The following SDK1 variants were observed in gnomAD, a reference collection of about 807,000 sequenced individuals.
SDK1 encodes protein sidekick-1.
A neutral mutation model predicts 245.5 loss-of-function variants in SDK1; 157 were observed. The observed-to-expected ratio is 0.64, with a 90% CI of 0.56 to 0.73. The LOEUF is 0.73. Among genes scored for constraint, SDK1 ranks in the 30% least tolerant of loss-of-function variants. The pLI, the probability that SDK1 is intolerant of heterozygous loss-of-function variation, is 0.00. For missense variants in SDK1, 3,583 were observed against 3,002.3 expected, an observed-to-expected ratio of 1.19 and a Z score of -4.52; for synonymous variants, 1,647 against 1,278.5, an observed-to-expected ratio of 1.29 and a Z score of -6.15.
intron 1 of SDK1, among the ~76,000 whole-genome samples, chr7:3,424,740 T>TA (rs1192055102): frequency 6.6e-6 from 1 of 151,800 alleles, no homozygotes; most frequent in Non-Finnish European, 1.5e-5. Context: ...CTACAAAAAA[T>TA]AAAAAAACTA....
intron 1 of SDK1, among the ~76,000 whole-genome samples, chr7:3,451,962 A>G (rs968224295): frequency 1.3e-5 from 2 of 152,228 alleles, no homozygotes; most frequent in African/African-American, 2.4e-5. Flanking sequence ...TCTGACTCCA[A>G]TATTGACTCT....
Position 3,301,617 on chromosome 7 carries a change from G to T in SDK1, c.31G>T (p.Gly11Cys), listed in dbSNP as rs1227229145. MARGARPSAAGGGGGGAEPPE... is the reference protein window; with the variant it reads MARGARPSAACGGGGGAEPPE... ...CCGGGGCGCCCGGCCCTCGGCGGCC[G>T]GTGGCGGCGGCGGCGGCGCGGAGCC... The change falls in exon 1 of 45, where the codon GGT becomes TGT. Residue 11 changes from glycine to cysteine, a missense_variant. Coordinates refer to ENST00000404826, the MANE Select transcript of SDK1 (RefSeq NM_152744.4). 1 of 977,354 alleles carries T rather than the reference G, an allele frequency of 1.0e-6. No individual in the cohort carries two copies. The highest frequency in any genetic ancestry group is 4.6e-5 in the South Asian group (1 of 21,586). The allele number at this position is 977,354 out of a possible 1,614,324, so 60.5% of individuals were successfully genotyped here.
intron 4 of SDK1, among the ~76,000 whole-genome samples, chr7:3,784,435 GA>G (rs1276109722): frequency 6.6e-6 from 1 of 151,672 alleles, no homozygotes; most frequent in Non-Finnish European, 1.5e-5. Context: ...TACAGAGTAA[GA>G]AAAAATATTT....
rs139882271 is a variant in SDK1 at position 3,338,317 on chromosome 7, A to G, written c.298+36433A>G. The G allele has an allele frequency of 2.0e-3, 991 of 495,194 alleles. 20 individuals are homozygous for G. In the Middle Eastern group the frequency reaches 0.063, roughly 31 times the overall value. The allele number at this position is 495,194 out of a possible 1,614,324, so 30.7% of individuals were successfully genotyped here. A position where few individuals can be genotyped will look rare whatever the true frequency, so the allele number is the denominator to read the frequency against. ...TACCATGGCAAAACTGCAAGAGTCTACGATGTTACTCAGCATGCTGTTGGC... is the reference window on the plus strand; with the variant it reads ...TACCATGGCAAAACTGCAAGAGTCTGCGATGTTACTCAGCATGCTGTTGGC... On this transcript the variant is annotated intron_variant, in intron 1 of 44. Coordinates refer to ENST00000404826, the MANE Select transcript of SDK1 (RefSeq NM_152744.4).
chr7:4,048,081 ATC>A (rs1789151259), intron 17 of SDK1, among the ~76,000 whole-genome samples: 1 of 152,160 alleles, frequency 6.6e-6, no homozygotes, highest in African/African-American at 2.4e-5. Flanking sequence ...TGTTTGTCTC[ATC>A]TCTGCCTGAG....
intron 25 of SDK1, among the ~76,000 whole-genome samples, chr7:4,114,525 A>G (rs1783572833): frequency 6.6e-6 from 1 of 152,220 alleles, no homozygotes; most frequent in African/African-American, 2.4e-5. Context: ...ACTGTTTTCT[A>G]AATTAGGGAT....
chr7:4,008,968 A>C (rs1382771748), intron 14 of SDK1, among the ~76,000 whole-genome samples: 2 of 152,248 alleles, frequency 1.3e-5, no homozygotes, highest in Admixed American at 6.5e-5. Flanking sequence ...TTGAAGAGCC[A>C]CCATACTGTT....
At chr7:3,735,716 TTAA>T (rs1779300044) in intron 4 of SDK1, among the ~76,000 whole-genome samples, 1 of 152,238 alleles carries the variant, frequency 6.6e-6, no homozygotes, top group Non-Finnish European at 1.5e-5. Flanking sequence ...AATTCTATTT[TTAA>T]TTTTTTAAGG....
intron 4 of SDK1, among the ~76,000 whole-genome samples, chr7:3,792,226 C>G (rs1267768389): frequency 6.6e-6 from 1 of 152,156 alleles, no homozygotes; most frequent in African/African-American, 2.4e-5. Context: ...CCCCCACTTC[C>G]ATGCCCTAAA....
At chr7:3,943,563 G>C (rs1486074060) in intron 5 of SDK1, among the ~76,000 whole-genome samples, 1 of 150,262 alleles carries the variant, frequency 6.7e-6, no homozygotes, top group Non-Finnish European at 1.5e-5. Flanking sequence ...TGTGTTCCTA[G>C]CGCGGAGGCT....
chr7:3,468,249 C>T (rs1396493781), intron 1 of SDK1, among the ~76,000 whole-genome samples: 1 of 151,990 alleles, frequency 6.6e-6, no homozygotes, highest in Non-Finnish European at 1.5e-5. Context: ...CTCTCATGTC[C>T]AGTGATGTGT....
intron 1 of SDK1, among the ~76,000 whole-genome samples, chr7:3,400,336 T>C (rs953944165): frequency 6.6e-6 from 1 of 152,154 alleles, no homozygotes; most frequent in African/African-American, 2.4e-5. Flanking sequence ...AAAGTTGATT[T>C]TGAAAATTGT....
At chr7:3,800,940 C>G (rs1196505433) in intron 4 of SDK1, among the ~76,000 whole-genome samples, 2 of 152,156 alleles carry the variant, frequency 1.3e-5, no homozygotes, top group African/African-American at 4.8e-5. Context: ...GTTGAACACC[C>G]TTTAACTTTC....
chr7:3,373,802 G>C (rs189482728), intron 1 of SDK1, among the ~76,000 whole-genome samples: 1 of 152,088 alleles, frequency 6.6e-6, no homozygotes, highest in African/African-American at 2.4e-5. Context: ...CACAAATTCA[G>C]TGTACAAACT....
chr7:4,240,155 T>C (rs1163264450), intron 42 of SDK1, among the ~76,000 whole-genome samples: 1 of 152,210 alleles, frequency 6.6e-6, no homozygotes, highest in East Asian at 1.9e-4. Flanking sequence ...CAGAATCCTG[T>C]GTCTGGTGCA....
At chr7:3,899,101 ATCCTGTCAGTCTTACTGGTG>A (rs1781696952) in intron 5 of SDK1, among the ~76,000 whole-genome samples, 1 of 152,108 alleles carries the variant, frequency 6.6e-6, no homozygotes, top group African/African-American at 2.4e-5. Context: ...ATTTCCTGTG[ATCCTGTCAGTCTTACTGGTG>A]ACTTTAAGTG....
At chr7:4,077,340 G>C in intron 21 of SDK1, 151 bp downstream of exon 21, 1 of 713,670 alleles carries the variant, frequency 1.4e-6, no homozygotes, top group Non-Finnish European at 2.3e-6. Context: ...GTAAATGGGT[G>C]TTGACCCCAC....
chr7:3,770,327 G>T (rs931097095), intron 4 of SDK1, among the ~76,000 whole-genome samples: 1 of 152,122 alleles, frequency 6.6e-6, no homozygotes, highest in Non-Finnish European at 1.5e-5. Context: ...AATGGGTCAT[G>T]GTATGGATGT....
chr7:3,885,277 A>G (rs1167072290), intron 5 of SDK1, among the ~76,000 whole-genome samples: 1 of 152,148 alleles, frequency 6.6e-6, no homozygotes, highest in Non-Finnish European at 1.5e-5. Context: ...TTTGGGAATA[A>G]CGTCTGTAAA....
Sources: gnomAD v4.1 joint callset for allele counts (sites outside exome capture counted in the v4.1 genomes callset) on GRCh38, gnomAD v4.1.1 for gene constraint, MANE v1.5 for transcripts, NCBI Gene and HGNC (gene_info 2026-07-23, HGNC 2026-07-21) for gene names.